PCDH15: variants seen among roughly 807,000 people sequenced by gnomAD.
PCDH15 encodes the protein protocadherin-15.
A neutral mutation model predicts 178.5 loss-of-function variants in PCDH15; 129 were observed. The ratio of observed to expected loss-of-function variants is 0.72; its 90% CI spans 0.63 to 0.84. The LOEUF (loss-of-function observed/expected upper bound fraction) is 0.84. Ranked by LOEUF, PCDH15 falls within the 40% of genes least tolerant of loss-of-function variation. The probability of loss-of-function intolerance (pLI) is 0.00; values close to 1 mark genes in which losing one functional copy is unlikely to be tolerated. For missense variants in PCDH15, 2,230 were observed against 2,099.9 expected (o/e 1.06, Z -1.21); for synonymous variants, 800 against 732.0 (o/e 1.09, Z -1.50).
chr10:54,839,419 T>C (rs1340146451), intron 3 of PCDH15, among the ~76,000 whole-genome samples: 1 of 151,998 alleles, frequency 6.6e-6, no homozygotes, highest in East Asian at 1.9e-4. Flanking sequence ...GATTTTATTA[T>C]GCAAAATAAA....
intron 29 of PCDH15, among the ~76,000 whole-genome samples, chr10:53,834,774 A>ATAAT: frequency 6.6e-6 from 1 of 152,324 alleles, no homozygotes; most frequent in Non-Finnish European, 1.5e-5. Context: ...TATTCAGCAT[A>ATAAT]TAATTAATAA....
At chr10:55,385,693 CTATATATA>C (rs57143868) in intron 2 of PCDH15, among the ~76,000 whole-genome samples, 2 of 128,766 alleles carry the variant, frequency 1.6e-5, no homozygotes, top group Non-Finnish European at 3.3e-5. Context: ...CTTCCTCTGC[CTATATATA>C]TATATATATA....
At chr10:55,213,181 A>G (rs916313546) in intron 1 of PCDH15, among the ~76,000 whole-genome samples, 3 of 152,102 alleles carry the variant, frequency 2.0e-5, no homozygotes, top group Non-Finnish European at 4.4e-5. Flanking sequence ...TTGGGATCAT[A>G]GCAGATATTT....
At chr10:54,739,988 C>A (rs1944581365) in intron 1 of PCDH15, among the ~76,000 whole-genome samples, 1 of 151,786 alleles carries the variant, frequency 6.6e-6, no homozygotes. Flanking sequence ...ATTTTTTGGG[C>A]AAGTCCTCAA....
At position 53,821,061 on chromosome 10, in the gene PCDH15, T is replaced by C. The variant is rs2076244388; in HGVS notation, c.4368-831A>G. On this transcript the variant is annotated intron_variant, in intron 32 of 37. Coordinates refer to ENST00000644397, the MANE Select transcript of PCDH15 (RefSeq NM_001384140.1). The stretch of plus-strand genomic sequence containing the variant: ...AACAAACAAAATTAAACAGCACTTT[T>C]TAAGCATCTGTTGGAACAATGAAAT... The C allele has an allele frequency of 4.2e-6, 4 of 951,064 alleles. No homozygotes were observed. The South Asian group carries it at 1.9e-4, about 46-fold the overall frequency. The allele number at this position is 951,064 out of a possible 1,614,324, so 58.9% of individuals were successfully genotyped here. A position where few individuals can be genotyped will look rare whatever the true frequency, so the allele number is the denominator to read the frequency against.
At chr10:54,156,474 TA>T (rs2045162613) in intron 13 of PCDH15, among the ~76,000 whole-genome samples, 1 of 152,128 alleles carries the variant, frequency 6.6e-6, no homozygotes, top group Non-Finnish European at 1.5e-5. Flanking sequence ...CTCCCCTTTT[TA>T]AAACCATCAG....
chr10:55,030,851 A>C (rs1202454016), intron 2 of PCDH15, among the ~76,000 whole-genome samples: 1 of 152,188 alleles, frequency 6.6e-6, no homozygotes, highest in African/African-American at 2.4e-5. Context: ...AATTATACAT[A>C]TATGTATAGA....
At chr10:54,476,658 G>T (rs1463915249) in intron 3 of PCDH15, among the ~76,000 whole-genome samples, 1 of 152,028 alleles carries the variant, frequency 6.6e-6, no homozygotes, top group Non-Finnish European at 1.5e-5. Flanking sequence ...AGACAGAATT[G>T]TTTGTTCATA....
chr10:53,959,789 A>C lies in PCDH15; in HGVS notation c.3065T>G (p.Val1022Gly), dbSNP rs2088083916. ...GEPVMSSSAT[V>G]KILVLHPGEI... Reference sequence around the variant, plus strand: ...ACCAGGATGTAAGACAAGAATCTTCACTGTGGCACTGCTGGACATCACAGG... The same window carrying C: ...ACCAGGATGTAAGACAAGAATCTTCCCTGTGGCACTGCTGGACATCACAGG... The change falls in exon 23 of 38, where the codon GTG becomes GGG. Residue 1022 changes from valine to glycine, a missense_variant. By Grantham distance (109) the Val-to-Gly change is moderately radical (BLOSUM62 -3). Coordinates refer to ENST00000644397, the MANE Select transcript of PCDH15 (RefSeq NM_001384140.1). The C allele has an allele frequency of 6.2e-7, 1 of 1,614,004 alleles. No homozygotes were observed. Among genetic ancestry groups the C allele is most frequent in the Non-Finnish European group, 8.5e-7 (1 of 1,180,000 alleles).
intron 3 of PCDH15, among the ~76,000 whole-genome samples, chr10:54,843,225 C>A (rs1041951950): frequency 2.0e-5 from 3 of 151,848 alleles, no homozygotes; most frequent in Non-Finnish European, 2.9e-5. Context: ...TAAAGCTGTG[C>A]CCTGGCAGTT....
chr10:53,899,178 C>T (rs1450338692), intron 26 of PCDH15, among the ~76,000 whole-genome samples: 2 of 148,446 alleles, frequency 1.3e-5, no homozygotes, highest in Non-Finnish European at 3.0e-5. Flanking sequence ...AATGTGGCTT[C>T]TGTAAGGGTA....
At chr10:55,423,697 T>C (rs1838680238) in intron 2 of PCDH15, among the ~76,000 whole-genome samples, 1 of 152,014 alleles carries the variant, frequency 6.6e-6, no homozygotes, top group Non-Finnish European at 1.5e-5. Context: ...AATTTTCTGA[T>C]CTGTGAAAAA....
chr10:54,780,964 G>A (rs1198240167), intron 1 of PCDH15, among the ~76,000 whole-genome samples: 2 of 151,946 alleles, frequency 1.3e-5, no homozygotes, highest in Admixed American at 6.6e-5. Context: ...ACAGTAATGT[G>A]GGAGAAAATG....
At chr10:53,971,239 C>T (rs1175028004) in intron 21 of PCDH15, among the ~76,000 whole-genome samples, 1 of 152,076 alleles carries the variant, frequency 6.6e-6, no homozygotes, top group Non-Finnish European at 1.5e-5. Flanking sequence ...ATTCAACAGC[C>T]CTTCCTGCTA....
At chr10:55,066,199 C>T (rs1007972613) in intron 2 of PCDH15, among the ~76,000 whole-genome samples, 8 of 150,026 alleles carry the variant, frequency 5.3e-5, no homozygotes, top group Non-Finnish European at 1.0e-4. Flanking sequence ...TTATTTCTCC[C>T]TTAATATCTG....
At chr10:54,480,994 CA>C (rs1393081423) in intron 3 of PCDH15, among the ~76,000 whole-genome samples, 2 of 151,864 alleles carry the variant, frequency 1.3e-5, no homozygotes, top group East Asian at 3.9e-4. Flanking sequence ...TGGAGACTAA[CA>C]TTCCTTGCAA....
At chr10:55,617,021 T>C (rs1843493275) in intron 2 of PCDH15, among the ~76,000 whole-genome samples, 1 of 152,128 alleles carries the variant, frequency 6.6e-6, no homozygotes, top group Admixed American at 6.6e-5. Context: ...TACATTAAAA[T>C]GGTAGCTAAG....
chr10:54,592,653 A>C (rs559454249), intron 2 of PCDH15, among the ~76,000 whole-genome samples: 1 of 152,318 alleles, frequency 6.6e-6, no homozygotes, highest in African/African-American at 2.4e-5. Context: ...AGCTGAAATG[A>C]AAACTAAAGC....
intron 3 of PCDH15, among the ~76,000 whole-genome samples, chr10:54,462,496 T>TTTTCTTTTCTTTTCTTTTC (rs756383551): frequency 9.4e-5 from 8 of 84,924 alleles, no homozygotes; most frequent in African/African-American, 3.3e-4. Context: ...TTTTCTTTTC[T>TTTTCTTTTCTTTTCTTTTC]TTTTCTTTTT....
Sources: allele counts gnomAD v4.1 joint callset (sites outside exome capture counted in the v4.1 genomes callset), GRCh38; gene constraint gnomAD v4.1.1; transcripts MANE v1.5; gene names NCBI Gene and HGNC (gene_info 2026-07-23, HGNC 2026-07-21).